Variants in MRPS18A observed in about 807,000 individuals in gnomAD.
The protein encoded by MRPS18A is large ribosomal subunit protein mL66.
Under a neutral mutation model 22.7 loss-of-function variants are expected in MRPS18A, and 20 were observed. That is an observed-to-expected ratio of 0.88 (90% CI 0.62 to 1.28). The LOEUF (loss-of-function observed/expected upper bound fraction) is 1.28. Ranked by LOEUF, MRPS18A falls within the 50% of genes most tolerant of loss-of-function variation. The pLI, the probability that MRPS18A is intolerant of heterozygous loss-of-function variation, is 0.00. For missense variants in MRPS18A, 294 were observed against 262.6 expected, an observed-to-expected ratio of 1.12 and a Z score of -0.83; for synonymous variants, 106 against 99.1, an observed-to-expected ratio of 1.07 and a Z score of -0.41.
chr6:43,682,225 G>A (rs935266314), intron 1 of MRPS18A, among the ~76,000 whole-genome samples: 1 of 152,202 alleles, frequency 6.6e-6, no homozygotes, highest in Non-Finnish European at 1.5e-5. Context: ...CTTGAGCCCA[G>A]GAGGTTGAGG....
rs1208592637 is a variant in MRPS18A, at chr6:43,673,543, T to TG, written c.447-1638dup. 2.0e-5 allele frequency among the ~76,000 whole-genome samples: 3 copies of TG among 152,230 alleles called. No homozygotes were observed. The highest frequency in any genetic ancestry group is 7.2e-5 in the African/African-American group (3 of 41,468). ...GCTGGGCTTTAGCTGGCCTTGGGCC[T>TG]GATGCCTGCGCCACACGGAGCGGCC... On this transcript the variant is annotated intron_variant, in intron 5 of 5. Coordinates refer to ENST00000372133, the MANE Select transcript of MRPS18A (RefSeq NM_018135.4). The surrounding 1 kb of genome is among the most constrained non-coding windows in gnomAD (Gnocchi z 4.2).
chr6:43,682,302 T>TAAAC (rs758775979), intron 1 of MRPS18A, among the ~76,000 whole-genome samples: 1 of 151,934 alleles, frequency 6.6e-6, no homozygotes, highest in Non-Finnish European at 1.5e-5. Context: ...CCATCTCAAA[T>TAAAC]AAACAAACAA....
rs150989113 is a variant in MRPS18A at position 43,677,790 on chromosome 6, G to C, written c.252+728C>G. Among the ~76,000 whole-genome samples the C allele has an allele frequency of 1.2e-4, 19 of 152,306 alleles. No individual in the cohort carries two copies. The East Asian group carries it at 3.5e-3, about 28-fold the overall frequency. ...TTCATAGGGTTACTGTGAAAACTAA[G>C]TGAATTAAAACAGGTAAGTACTCAG... On this transcript the variant is annotated intron_variant, in intron 3 of 5. Transcript: ENST00000372133.
chr6:43,674,226 C>T (rs1773922621), intron 5 of MRPS18A, among the ~76,000 whole-genome samples: 1 of 152,154 alleles, frequency 6.6e-6, no homozygotes, highest in Non-Finnish European at 1.5e-5. Flanking sequence ...ACATCCCACA[C>T]CCCCTACCCT....
In MRPS18A at chr6:43,673,817, C is replaced by G. The variant is rs914052583; in HGVS notation, c.446+1385G>C. Among the ~76,000 whole-genome samples the G allele has an allele frequency of 6.6e-6, 1 of 152,228 alleles. No homozygotes were observed. Among genetic ancestry groups the G allele is most frequent in the Non-Finnish European group, 1.5e-5 (1 of 68,040 alleles). On this transcript the variant is annotated intron_variant, in intron 5 of 5. Coordinates refer to ENST00000372133, the MANE Select transcript of MRPS18A (RefSeq NM_018135.4). This position sits in a 1 kb window ranked among gnomAD's most constrained non-coding sequence, Gnocchi z 4.2. ...ATTTCCTTCGTAGCCTGAACTCCCC[C>G]TCCCGCTCAGCGTGGCCTTTTGCAA... is the stretch of plus-strand genomic sequence containing the variant.
chr6:43,682,668 T>C (rs1774482542), intron 1 of MRPS18A, among the ~76,000 whole-genome samples: 1 of 152,194 alleles, frequency 6.6e-6, no homozygotes, highest in Non-Finnish European at 1.5e-5. Flanking sequence ...GATCTACTTG[T>C]ACAGAACACA....
rs1488356603 is a variant in MRPS18A at position 43,682,444 on chromosome 6, C to T, written c.113-1324G>A. Among the ~76,000 whole-genome samples, 3 of 152,214 alleles carry T rather than the reference C, an allele frequency of 2.0e-5. No individual in the cohort carries two copies. The East Asian group carries it at 5.8e-4, about 29-fold the overall frequency. ...TTGGACACAGACTGCTTGGAATTGTCCCTCATTTGTCTTCTGGGCAACCCA... is the reference window on the plus strand; with the variant it reads ...TTGGACACAGACTGCTTGGAATTGTTCCTCATTTGTCTTCTGGGCAACCCA... On this transcript the variant is annotated intron_variant, in intron 1 of 5. Coordinates refer to ENST00000372133, the MANE Select transcript of MRPS18A (RefSeq NM_018135.4).
intron 1 of MRPS18A, among the ~76,000 whole-genome samples, chr6:43,681,352 T>C (rs763962695): frequency 1.2e-4 from 18 of 152,218 alleles, no homozygotes; most frequent in Non-Finnish European, 2.2e-4. Flanking sequence ...ATCACCTCTC[T>C]GGTATGGGAT....
At chr6:43,681,242 T>C (rs1028156781) in intron 1 of MRPS18A, 122 bp from the exon 2 acceptor site, 63 of 989,446 alleles carry the variant, frequency 6.4e-5, no homozygotes, top group Non-Finnish European at 9.1e-5. Context: ...TCTCTCATGG[T>C]CTCCACCTAG....
chr6:43,675,140 A>G, intron 5 of MRPS18A, 62 bp downstream of exon 5: 1 of 1,367,808 alleles, frequency 7.3e-7, no homozygotes, highest in Non-Finnish European at 9.9e-7. Flanking sequence ...CAGACAGCCA[A>G]GGTGCACCCT....
In MRPS18A at chr6:43,671,670, G is replaced by A; in HGVS notation, c.*92C>T. 6.8e-7 allele frequency: 1 copy of A among 1,474,912 alleles called. No homozygotes were observed. The allele number at this position is 1,474,912 out of a possible 1,614,324, so 91.4% of individuals were successfully genotyped here. On this transcript the variant is annotated 3_prime_UTR_variant, in exon 6 of 6. Transcript: ENST00000372133. The stretch of plus-strand genomic sequence containing the variant: ...GGGACCAGGCCATCGTGGTGGGGTG[G>A]GACAGGAGTATAGTTGTGGCCAAGG...
intron 1 of MRPS18A, among the ~76,000 whole-genome samples, chr6:43,685,353 A>G (rs1774636113): frequency 1.3e-5 from 2 of 152,126 alleles, no homozygotes; most frequent in Non-Finnish European, 2.9e-5. Flanking sequence ...TCTCTGGTCA[A>G]ACTTTAAACC....
intron 3 of MRPS18A, 139 bp downstream of exon 3, chr6:43,678,379 A>C: frequency 1.5e-6 from 1 of 660,714 alleles, no homozygotes. Flanking sequence ...GGTTGAGAAC[A>C]ACTGGACAAA....
In MRPS18A at chr6:43,674,604, C is replaced by T. The variant is rs77067230; in HGVS notation, c.446+598G>A. On this transcript the variant is annotated intron_variant, in intron 5 of 5. Coordinates refer to ENST00000372133, the MANE Select transcript of MRPS18A (RefSeq NM_018135.4). ...AATGTTAGACAAGAATCTGCTTCCACTCTACAGGGTCCTGCTTAGACTAGA... is the reference window on the plus strand; with the variant it reads ...AATGTTAGACAAGAATCTGCTTCCATTCTACAGGGTCCTGCTTAGACTAGA... 3.3e-3 allele frequency among the ~76,000 whole-genome samples: 495 copies of T among 152,290 alleles called. 2 individuals carry two copies. The highest frequency in any genetic ancestry group is 0.011 in the African/African-American group (464 of 41,570).
Position 43,673,683 on chromosome 6 carries a change from C to G in MRPS18A, c.446+1519G>C, listed in dbSNP as rs1226605300. Among the ~76,000 whole-genome samples the G allele has an allele frequency of 2.6e-5, 4 of 152,208 alleles. No homozygotes were observed. Among genetic ancestry groups the G allele is most frequent in the Non-Finnish European group, 5.9e-5 (4 of 68,026 alleles). ...CCCCTTCCTACCTCTCCTGAAGGGG[C>G]AGCAGGAGGAGCGACACAGCAGCAG... On this transcript the variant is annotated intron_variant, in intron 5 of 5. Coordinates refer to ENST00000372133, the MANE Select transcript of MRPS18A (RefSeq NM_018135.4). The surrounding 1 kb of genome is among the most constrained non-coding windows in gnomAD (Gnocchi z 4.2).
At chr6:43,674,894 G>A (rs1773964381) in intron 5 of MRPS18A, among the ~76,000 whole-genome samples, 1 of 152,160 alleles carries the variant, frequency 6.6e-6, no homozygotes, top group Admixed American at 6.5e-5. Context: ...GAGAGAGCTA[G>A]GATACTGAAA....
At chr6:43,677,272 A>G (rs1774110203) in intron 3 of MRPS18A, among the ~76,000 whole-genome samples, 1 of 152,040 alleles carries the variant, frequency 6.6e-6, no homozygotes, top group African/African-American at 2.4e-5. Flanking sequence ...GGCCATCAGG[A>G]GAAGGGCCCC....
At chr6:43,678,695 A>T in intron 2 of MRPS18A, 70 bp from the exon 3 acceptor site, 1 of 1,125,752 alleles carries the variant, frequency 8.9e-7, no homozygotes, top group South Asian at 1.3e-5. Flanking sequence ...CTTTGCACAA[A>T]CCCCAAAATG....
intron 3 of MRPS18A, 71 bp from the exon 4 acceptor site, chr6:43,675,688 A>G: frequency 6.5e-7 from 1 of 1,534,682 alleles, no homozygotes; most frequent in East Asian, 2.3e-5. Context: ...CTAGGGCTTC[A>G]TGGTCTACAG....
Sources: gnomAD v4.1 joint callset for allele counts (sites outside exome capture counted in the v4.1 genomes callset) on GRCh38, gnomAD v4.1.1 for gene constraint, Gnocchi (gnomAD v3.1) non-coding constraint, MANE v1.5 for transcripts, NCBI Gene and HGNC (gene_info 2026-07-23, HGNC 2026-07-21) for gene names.